Variants in SYNPO2 observed in about 807,000 individuals in gnomAD.
SYNPO2 encodes the protein synaptopodin-2.
Under a neutral mutation model 85.0 loss-of-function variants are expected in SYNPO2, and 56 were observed. That is an observed-to-expected ratio of 0.66 (90% CI 0.53 to 0.82). The LOEUF (loss-of-function observed/expected upper bound fraction) is 0.82, where lower values mean the gene tolerates loss of function less well. SYNPO2 is among the 40% of genes least tolerant of loss of function. The probability of loss-of-function intolerance (pLI) is 0.00; values close to 1 mark genes in which losing one functional copy is unlikely to be tolerated. For synonymous variants in SYNPO2, 602 were observed against 591.1 expected (o/e 1.02, Z -0.27); for missense variants, 1,575 against 1,534.2 (o/e 1.03, Z -0.44).
At position 119,057,952 on chromosome 4, in the gene SYNPO2, C is replaced by G; in HGVS notation, c.*18C>G. ...AAACATGAAAGTTAGAAGAACGGATCATGTGCCAACTGTAGTTTTTTAAAA... is the reference window on the plus strand; with the variant it reads ...AAACATGAAAGTTAGAAGAACGGATGATGTGCCAACTGTAGTTTTTTAAAA... On this transcript the variant is annotated 3_prime_UTR_variant, in exon 5 of 5. Coordinates refer to ENST00000307142, the MANE Select transcript of SYNPO2 (RefSeq NM_133477.3). The G allele has an allele frequency of 6.3e-7, 1 of 1,589,004 alleles. No individual in the cohort carries two copies. Among genetic ancestry groups the G allele is most frequent in the Non-Finnish European group, 8.5e-7 (1 of 1,170,694 alleles).
rs1739357325 is a variant in SYNPO2, at chr4:119,059,930, A to G, written c.*1996A>G. ...AGTTTTTATAGAATCCTAAAAAATA[A>G]CGCCTGATGTATAGATTAGTTAGCA... is the stretch of plus-strand genomic sequence containing the variant. On this transcript the variant is annotated 3_prime_UTR_variant, in exon 5 of 5. Coordinates refer to ENST00000307142, the MANE Select transcript of SYNPO2 (RefSeq NM_133477.3). 1 of 152,174 alleles carries G rather than the reference A, an allele frequency of 6.6e-6. No individual in the cohort carries two copies. Among genetic ancestry groups the G allele is most frequent in the African/African-American group, 2.4e-5 (1 of 41,448 alleles). The allele number at this position is 152,174 out of a possible 1,614,324, so 9.4% of individuals were successfully genotyped here.
intron 4 of SYNPO2, chr4:119,043,759 G>A (rs1464393431): frequency 1.3e-5 from 2 of 152,054 alleles, no homozygotes; most frequent in African/African-American, 4.8e-5. Flanking sequence ...TCGACATGGT[G>A]AAACCCCACC....
chr4:118,857,997 AAC>A (rs956572423), intron 1 of SYNPO2, among the ~76,000 whole-genome samples: 9 of 152,186 alleles, frequency 5.9e-5, no homozygotes, highest in African/African-American at 1.4e-4. Flanking sequence ...GTTATTGAAA[AAC>A]ACAGGGCTTT....
At chr4:119,007,397 AAAACAAAAAAC>A (rs1737122621) in intron 1 of SYNPO2, among the ~76,000 whole-genome samples, 2 of 148,502 alleles carry the variant, frequency 1.3e-5, no homozygotes, top group Admixed American at 6.7e-5. Flanking sequence ...GTTAAAAACA[AAAACAAAAAAC>A]AAACAAAAAA....
At chr4:118,878,485 T>C (rs1463677426) in intron 1 of SYNPO2, among the ~76,000 whole-genome samples, 2 of 152,222 alleles carry the variant, frequency 1.3e-5, no homozygotes, top group Non-Finnish European at 2.9e-5. Context: ...CAGCTGGGCT[T>C]CTGGGTCAGA....
intron 4 of SYNPO2, chr4:119,042,689 T>A (rs1738751791): frequency 6.6e-6 from 1 of 152,126 alleles, no homozygotes; most frequent in Non-Finnish European, 1.5e-5. Flanking sequence ...AACATTAATC[T>A]TGGCAAATAG....
intron 1 of SYNPO2, among the ~76,000 whole-genome samples, chr4:118,931,373 T>C (rs748327837): frequency 2.6e-5 from 4 of 152,198 alleles, no homozygotes; most frequent in Non-Finnish European, 5.9e-5. Context: ...ACATTTCAAT[T>C]TGTGAAAACA....
intron 1 of SYNPO2, among the ~76,000 whole-genome samples, chr4:118,908,722 A>G (rs1733027565): frequency 6.6e-6 from 1 of 152,278 alleles, no homozygotes; most frequent in Non-Finnish European, 1.5e-5. Flanking sequence ...ATAAAGCCTT[A>G]TAGAACAGGA....
chr4:118,982,428 T>C (rs1736062897), intron 1 of SYNPO2, among the ~76,000 whole-genome samples: 1 of 152,178 alleles, frequency 6.6e-6, no homozygotes, highest in Non-Finnish European at 1.5e-5. Context: ...CTCTTTTAAT[T>C]TGGCAGGGAG....
intron 4 of SYNPO2, chr4:119,034,004 A>G (rs1025887652): frequency 2.0e-6 from 2 of 985,342 alleles, no homozygotes; most frequent in Non-Finnish European, 2.4e-6. Flanking sequence ...TAGAGGTTAC[A>G]ACCACAGGAT....
chr4:118,900,799 G>A lies in SYNPO2; in HGVS notation c.105+11658G>A, dbSNP rs114317726. Among the ~76,000 whole-genome samples the A allele has an allele frequency of 6.0e-3, 800 of 134,342 alleles. 11 individuals carry two copies. The highest frequency in any genetic ancestry group is 0.02 in the African/African-American group (753 of 37,192). The allele number at this position is 134,342 out of a possible 152,430, so 88.1% of individuals were successfully genotyped here. A position where few individuals can be genotyped will look rare whatever the true frequency, so the allele number is the denominator to read the frequency against. ...TCTATCTATCTATAGATATTTGTCA[G>A]TTCCTGCTAAAGCCAAGTACTTTAT... On this transcript the variant is annotated intron_variant, in intron 1 of 4. Transcript: ENST00000307142.
chr4:118,904,295 T>C (rs1437518811), intron 1 of SYNPO2, among the ~76,000 whole-genome samples: 1 of 152,180 alleles, frequency 6.6e-6, no homozygotes, highest in African/African-American at 2.4e-5. Flanking sequence ...CTAACTTTTA[T>C]GAAATTAAGG....
At chr4:118,912,005 C>A (rs1490595004) in intron 1 of SYNPO2, among the ~76,000 whole-genome samples, 1 of 152,072 alleles carries the variant, frequency 6.6e-6, no homozygotes, top group Non-Finnish European at 1.5e-5. Flanking sequence ...CATTAATGGG[C>A]TCATAAAATC....
chr4:119,012,717 G>T (rs367894121), intron 1 of SYNPO2, among the ~76,000 whole-genome samples: 4 of 152,206 alleles, frequency 2.6e-5, no homozygotes, highest in African/African-American at 9.6e-5. Flanking sequence ...TCCCTTCAAA[G>T]GACATTAACT....
intron 1 of SYNPO2, among the ~76,000 whole-genome samples, chr4:118,983,384 C>A (rs548746460): frequency 1.3e-5 from 2 of 152,236 alleles, no homozygotes; most frequent in South Asian, 2.1e-4. Flanking sequence ...CATGCTCTGG[C>A]CTTCCTTTAC....
intron 1 of SYNPO2, among the ~76,000 whole-genome samples, chr4:119,007,238 ATATATATG>A (rs1405521066): frequency 3.7e-4 from 16 of 43,696 alleles, no homozygotes; most frequent in African/African-American, 1.2e-3. Flanking sequence ...ATATATATAT[ATATATATG>A]TATATACATA....
chr4:119,057,425 C>A lies in SYNPO2; in HGVS notation c.3277C>A (p.Pro1093Thr), dbSNP rs1413712363. 3 of 1,597,200 alleles carry A rather than the reference C, an allele frequency of 1.9e-6. No homozygotes were observed. The highest frequency in any genetic ancestry group is 2.6e-6 in the Non-Finnish European group (3 of 1,173,998). Residue 1093 changes from proline to threonine, a missense_variant, in exon 5 of 5, where the codon CCT becomes ACT. By Grantham distance (38) the Pro-to-Thr change is conservative. This residue lies in a region of SYNPO2 where 1,508 missense variants were observed against 1,446.8 expected (regional missense o/e 1.04). Transcript: ENST00000307142. ...GGAGAGTGGGCGCTCCCTTTCTCTT[C>A]CTGGAAGATCAGTCCCACCCCCCAT... ...IQESGRSLSL[P>T]GRSVPPPIST...
chr4:118,956,492 T>A (rs1356805751), intron 1 of SYNPO2, among the ~76,000 whole-genome samples: 1 of 152,262 alleles, frequency 6.6e-6, no homozygotes, highest in African/African-American at 2.4e-5. Context: ...CTTTTTTAAC[T>A]GTAATTATTT....
intron 4 of SYNPO2, among the ~76,000 whole-genome samples, chr4:119,044,929 G>C (rs528858763): frequency 1.3e-5 from 2 of 152,056 alleles, no homozygotes; most frequent in Non-Finnish European, 2.9e-5. Context: ...CCATTAACTC[G>C]CTTTGAATTG....
Sources: gnomAD v4.1 joint callset for allele counts (sites outside exome capture counted in the v4.1 genomes callset) on GRCh38, gnomAD v4.1.1 for gene constraint, gnomAD v4.1.1 regional missense constraint, MANE v1.5 for transcripts, NCBI Gene and HGNC (gene_info 2026-07-23, HGNC 2026-07-21) for gene names.